Variants in SEC31A observed in about 807,000 individuals in gnomAD.
SEC31A encodes protein transport protein Sec31A.
A neutral mutation model predicts 151.0 loss-of-function variants in SEC31A; 70 were observed. The ratio of observed to expected loss-of-function variants is 0.46; its 90% CI spans 0.38 to 0.57. The LOEUF (loss-of-function observed/expected upper bound fraction) is 0.57. Ranked by LOEUF, SEC31A falls within the 20% of genes least tolerant of loss-of-function variation. The pLI is 0.00. For missense variants in SEC31A, 1,330 were observed against 1,471.2 expected (o/e 0.90, Z 1.57); for synonymous variants, 475 against 505.9 (o/e 0.94, Z 0.82).
At chr4:82,864,307 G>A (rs953617462) in intron 11 of SEC31A, 55 bp downstream of exon 11, 118 of 1,196,666 alleles carry the variant, frequency 9.9e-5, no homozygotes, top group Middle Eastern at 5.9e-4. Context: ...AGAATATAAA[G>A]GAACAGTTAA....
chr4:82,849,281 G>T (rs1462109077), intron 19 of SEC31A, among the ~76,000 whole-genome samples: 1 of 152,052 alleles, frequency 6.6e-6, no homozygotes, highest in Non-Finnish European at 1.5e-5. Context: ...ATGTTTTCTT[G>T]TGGTTACCTA....
chr4:82,891,307 G>A, upstream of SEC31A: 2 of 926,136 alleles, frequency 2.2e-6, no homozygotes, highest in South Asian at 3.2e-5. Flanking sequence ...TCCGGGACCG[G>A]CGGTAGCCTG....
At chr4:82,891,585 G>C (rs1719764859), upstream of SEC31A, among the ~76,000 whole-genome samples, 1 of 152,192 alleles carries the variant, frequency 6.6e-6, no homozygotes, top group African/African-American at 2.4e-5. Context: ...GGGCTGCAAG[G>C]GCTTTATTGT....
intron 16 of SEC31A, among the ~76,000 whole-genome samples, chr4:82,855,445 T>A (rs1271986487): frequency 6.6e-6 from 1 of 152,100 alleles, no homozygotes; most frequent in Non-Finnish European, 1.5e-5. Context: ...GAACATGCAA[T>A]GAGTGAGGGA....
intron 22 of SEC31A, among the ~76,000 whole-genome samples, chr4:82,838,526 G>C (rs1015690864): frequency 6.6e-6 from 1 of 152,142 alleles, no homozygotes. Context: ...TATCTTGCAA[G>C]GCCACATCCA....
At chr4:82,837,199 A>ATTT (rs56888042) in intron 22 of SEC31A, among the ~76,000 whole-genome samples, 1 of 83,132 alleles carries the variant, frequency 1.2e-5, no homozygotes, top group African/African-American at 3.9e-5. Flanking sequence ...ATATATATAT[A>ATTT]ATTTCACCAC....
At chr4:82,871,007 ACT>A (rs1237803568) in intron 7 of SEC31A, among the ~76,000 whole-genome samples, 1 of 152,068 alleles carries the variant, frequency 6.6e-6, no homozygotes, top group Admixed American at 6.6e-5. Context: ...ATATAACGAC[ACT>A]CTGTCTCTAC....
In SEC31A at chr4:82,866,879, G is replaced by A. The variant is rs772356321; in HGVS notation, c.1126C>T (p.Gln376Ter). ...PPLQIPQQTA[Q>*]HSIVLPLKKP... ...TTCAGAGGCAGCACTATACTATGCT[G>A]AGCAGTCTGCTGTGGAATTTGTAAC... is the stretch of plus-strand genomic sequence containing the variant. Residue 376 changes from glutamine to a stop codon, truncating the protein, a stop_gained, in exon 10 of 27, where the codon CAG becomes TAG. Coordinates refer to ENST00000395310, the MANE Select transcript of SEC31A (RefSeq NM_001077207.4). LOFTEE classifies it high-confidence loss of function. 6.2e-7 allele frequency: 1 copy of A among 1,614,172 alleles called. No individual in the cohort carries two copies. Among genetic ancestry groups the A allele is most frequent in the Non-Finnish European group, 8.5e-7 (1 of 1,180,006 alleles).
chr4:82,890,658 A>C (rs1048757696), intron 1 of SEC31A: 39 of 788,232 alleles, frequency 4.9e-5, no homozygotes, highest in Non-Finnish European at 6.1e-5. Context: ...GAACCTTTAA[A>C]TCTGGCAATA....
chr4:82,826,432 C>A (rs1724583829), intron 24 of SEC31A, among the ~76,000 whole-genome samples: 1 of 152,214 alleles, frequency 6.6e-6, no homozygotes, highest in East Asian at 1.9e-4. Context: ...CAGCTCACTG[C>A]AACCTCTGCC....
At chr4:82,892,737 G>GA (rs1491385661), upstream of SEC31A, among the ~76,000 whole-genome samples, 1 of 149,542 alleles carries the variant, frequency 6.7e-6, no homozygotes, top group African/African-American at 2.5e-5. Context: ...TCTTTTTTTT[G>GA]GGGGGGGGGG....
chr4:82,857,745 T>C lies in SEC31A; in HGVS notation c.1646A>G (p.Glu549Gly). Residue 549 changes from glutamate to glycine, a missense_variant, in exon 15 of 27, where the codon GAA becomes GGA. By Grantham distance (98) the Glu-to-Gly change is moderately conservative. Transcript: ENST00000395310. Reference sequence around the variant, plus strand: ...AGATGAGGGTAGAAATTCAGATTCTTCTTTTTCCTCTTTAATGTGCTAAAG... The same window carrying C: ...AGATGAGGGTAGAAATTCAGATTCTCCTTTTTCCTCTTTAATGTGCTAAAG... ...LLGEHIKEEK[E>G]ESEFLPSSGG... 1.3e-6 allele frequency: 2 copies of C among 1,598,566 alleles called. No individual in the cohort carries two copies. Among genetic ancestry groups the C allele is most frequent in the Non-Finnish European group, 1.7e-6 (2 of 1,166,466 alleles).
At chr4:82,825,275 A>G (rs1179071206) in intron 24 of SEC31A, among the ~76,000 whole-genome samples, 1 of 152,274 alleles carries the variant, frequency 6.6e-6, no homozygotes, top group Admixed American at 6.5e-5. Flanking sequence ...ACTATTTACC[A>G]GGAACTGGCT....
chr4:82,889,433 G>A (rs911251230), intron 1 of SEC31A, among the ~76,000 whole-genome samples: 1 of 151,634 alleles, frequency 6.6e-6, no homozygotes, highest in Non-Finnish European at 1.5e-5. Flanking sequence ...CATATTCCTA[G>A]CTACTTCTGA....
chr4:82,835,795 A>G (rs965856147), intron 22 of SEC31A, among the ~76,000 whole-genome samples: 3 of 152,134 alleles, frequency 2.0e-5, no homozygotes, highest in African/African-American at 7.2e-5. Flanking sequence ...ACAAAAAAAA[A>G]GGAAAAAGTA....
At chr4:82,837,085 T>G (rs1235683896) in intron 22 of SEC31A, among the ~76,000 whole-genome samples, 1 of 147,950 alleles carries the variant, frequency 6.8e-6, no homozygotes, top group East Asian at 2.0e-4. Flanking sequence ...AAAGTTCTGC[T>G]GGTTGCAAAA....
At chr4:82,849,052 C>G in intron 19 of SEC31A, 75 bp from the exon 20 acceptor site, 1 of 1,300,534 alleles carries the variant, frequency 7.7e-7, no homozygotes, top group Non-Finnish European at 1.1e-6. Flanking sequence ...TTTTCTTAAT[C>G]AGATTATTCA....
chr4:82,853,260 C>T (rs759781766), intron 18 of SEC31A, among the ~76,000 whole-genome samples: 24 of 152,156 alleles, frequency 1.6e-4, no homozygotes, highest in Non-Finnish European at 5.9e-5. Flanking sequence ...CAGGCAGAGC[C>T]ACTGGAAGCA....
chr4:82,882,578 T>C (rs1167198299), intron 1 of SEC31A, among the ~76,000 whole-genome samples: 7 of 152,072 alleles, frequency 4.6e-5, no homozygotes, highest in African/African-American at 1.7e-4. Context: ...CATGTGTTTA[T>C]CCAACTAGGA....
Sources: allele counts gnomAD v4.1 joint callset (sites outside exome capture counted in the v4.1 genomes callset), GRCh38; gene constraint gnomAD v4.1.1; transcripts MANE v1.5; gene names NCBI Gene and HGNC (gene_info 2026-07-23, HGNC 2026-07-21).